NCOA2: variants seen among roughly 807,000 people sequenced by gnomAD.
NCOA2 encodes nuclear receptor coactivator 2.
In NCOA2, 21 loss-of-function variants were observed where a neutral mutation model predicts 145.1. That is an observed-to-expected ratio of 0.14 (90% CI 0.10 to 0.21). The LOEUF is 0.21. Ranked by LOEUF, NCOA2 falls within the 10% of genes least tolerant of loss-of-function variation. The probability of loss-of-function intolerance (pLI) is 1.00; values close to 1 mark genes in which losing one functional copy is unlikely to be tolerated. For synonymous variants in NCOA2, 619 were observed against 637.5 expected (o/e 0.97, Z 0.44); for missense variants, 1,472 against 1,837.6 (o/e 0.80, Z 3.64).
chr8:70,111,022 C>G lies in NCOA2; in HGVS notation c.*2610G>C, dbSNP rs1473863077. Reference sequence around the variant, plus strand: ...ATGAAGGGAACTGATTTGGCTTTTGCTTCTATAGTGATCAATATGATCAGA... The same window carrying G: ...ATGAAGGGAACTGATTTGGCTTTTGGTTCTATAGTGATCAATATGATCAGA... On this transcript the variant is annotated 3_prime_UTR_variant, in exon 23 of 23. Transcript: ENST00000452400. The G allele has an allele frequency of 4.5e-6, 1 of 223,170 alleles. No individual in the cohort carries two copies. The allele number at this position is 223,170 out of a possible 1,614,324, so 13.8% of individuals were successfully genotyped here.
chr8:70,340,490 C>T (rs1365846918), intron 1 of NCOA2, among the ~76,000 whole-genome samples: 3 of 152,120 alleles, frequency 2.0e-5, no homozygotes, highest in African/African-American at 7.2e-5. Flanking sequence ...TTTTACACTA[C>T]CGGTGGGAGT....
chr8:70,138,107 A>T (rs1218656276), intron 15 of NCOA2, 96 bp downstream of exon 15: 1 of 1,338,468 alleles, frequency 7.5e-7, no homozygotes, highest in African/African-American at 1.5e-5. Flanking sequence ...TAGTACCAAT[A>T]AATGAAAACT....
At chr8:70,129,489 C>T (rs1406355095) in intron 16 of NCOA2, among the ~76,000 whole-genome samples, 1 of 152,128 alleles carries the variant, frequency 6.6e-6, no homozygotes, top group South Asian at 2.1e-4. Context: ...TTGCAATAAG[C>T]CCTATTCAGC....
At chr8:70,382,560 T>C (rs1413262353) in intron 1 of NCOA2, among the ~76,000 whole-genome samples, 1 of 152,180 alleles carries the variant, frequency 6.6e-6, no homozygotes, top group Non-Finnish European at 1.5e-5. Context: ...ACAGCAGCTA[T>C]TAGGCATTGT....
At chr8:70,215,731 G>T (rs1819554882) in intron 3 of NCOA2, among the ~76,000 whole-genome samples, 1 of 151,962 alleles carries the variant, frequency 6.6e-6, no homozygotes, top group South Asian at 2.1e-4. Context: ...AAAGTGAAAA[G>T]TCTCTCTTCT....
chr8:70,412,647 CAAAAAAAAA>C, the NCOA2 span, among the ~76,000 whole-genome samples: 7 of 48,288 alleles, frequency 1.4e-4, no homozygotes, highest in Admixed American at 9.1e-4. Flanking sequence ...TACTTCGTCT[CAAAAAAAAA>C]AAAAAAAAAA....
rs139919703 is a variant in NCOA2 at position 70,279,086 on chromosome 8, C to A, written c.-20+17658G>T. Among the ~76,000 whole-genome samples the A allele has an allele frequency of 8.0e-3, 1,213 of 152,222 alleles. 13 individuals carry two copies. Among genetic ancestry groups the A allele is most frequent in the Non-Finnish European group, 0.01 (699 of 68,016 alleles). On this transcript the variant is annotated intron_variant, in intron 2 of 22. Coordinates refer to ENST00000452400, the MANE Select transcript of NCOA2 (RefSeq NM_006540.4). The stretch of plus-strand genomic sequence containing the variant: ...CAAGCAAAAGGCCCTTGGATGATCT[C>A]GCCTTACCAATCTCCATAATCCTGA...
the NCOA2 span, among the ~76,000 whole-genome samples, chr8:70,419,104 A>T: frequency 4.1e-5 from 6 of 144,824 alleles, no homozygotes; most frequent in East Asian, 8.0e-4. Context: ...GGATTTTATA[A>T]AAAAAAAAAA....
chr8:70,370,104 C>T (rs549034540), intron 1 of NCOA2, among the ~76,000 whole-genome samples: 4 of 152,194 alleles, frequency 2.6e-5, no homozygotes, highest in Admixed American at 6.5e-5. Flanking sequence ...CAGCTGGTCT[C>T]AAACTCCTGG....
chr8:70,409,505 A>G, the NCOA2 span, among the ~76,000 whole-genome samples: 4 of 152,234 alleles, frequency 2.6e-5, no homozygotes, highest in African/African-American at 9.7e-5. Flanking sequence ...AGTTTGGAGA[A>G]AATAGTGACT....
intron 4 of NCOA2, among the ~76,000 whole-genome samples, chr8:70,207,889 A>AGAG (rs1342155581): frequency 3.2e-4 from 48 of 149,628 alleles, no homozygotes; most frequent in Middle Eastern, 3.4e-3. Context: ...AAAAAAAAGA[A>AGAG]GAAGAAGAAG....
intron 4 of NCOA2, among the ~76,000 whole-genome samples, chr8:70,207,853 A>C (rs1818605823): frequency 8.0e-6 from 1 of 124,394 alleles, no homozygotes; most frequent in South Asian, 2.6e-4. Context: ...ACAGAGCCTG[A>C]CTCCACCTCA....
the NCOA2 span, among the ~76,000 whole-genome samples, chr8:70,440,447 A>G: frequency 1 from 152,236 of 152,240 alleles, 76,116 homozygotes; most frequent in Middle Eastern, 1. Flanking sequence ...GGCGGCACAC[A>G]CCTGTAGTCC....
chr8:70,263,627 G>A (rs1217932670), intron 2 of NCOA2, among the ~76,000 whole-genome samples: 4 of 151,992 alleles, frequency 2.6e-5, no homozygotes, highest in Non-Finnish European at 5.9e-5. Context: ...TCACCGGGAA[G>A]CTGAGGCAGG....
chr8:70,333,021 T>C (rs1446399471), intron 1 of NCOA2, among the ~76,000 whole-genome samples: 1 of 152,216 alleles, frequency 6.6e-6, no homozygotes, highest in African/African-American at 2.4e-5. Flanking sequence ...GATTTCTCAG[T>C]TTCTGAGATA....
At chr8:70,388,300 T>C (rs1255782744) in intron 1 of NCOA2, among the ~76,000 whole-genome samples, 1 of 152,210 alleles carries the variant, frequency 6.6e-6, no homozygotes, top group African/African-American at 2.4e-5. Flanking sequence ...AAGGTATATG[T>C]AAAATGAGGA....
chr8:70,287,118 C>A (rs953346314), intron 2 of NCOA2, among the ~76,000 whole-genome samples: 1 of 152,044 alleles, frequency 6.6e-6, no homozygotes, highest in Non-Finnish European at 1.5e-5. Flanking sequence ...GTGGTATACA[C>A]CTGTAATCTC....
intron 15 of NCOA2, among the ~76,000 whole-genome samples, chr8:70,136,279 T>G (rs1010823014): frequency 6.6e-6 from 1 of 152,008 alleles, no homozygotes. Flanking sequence ...GGAGAATCAC[T>G]TGAACCCAGG....
At chr8:70,261,269 G>A (rs1824098836) in intron 2 of NCOA2, among the ~76,000 whole-genome samples, 1 of 152,194 alleles carries the variant, frequency 6.6e-6, no homozygotes, top group Non-Finnish European at 1.5e-5. Flanking sequence ...ATACTATGCA[G>A]CCATAAAAAT....
Sources: gnomAD v4.1 joint callset for allele counts (sites outside exome capture counted in the v4.1 genomes callset) on GRCh38, gnomAD v4.1.1 for gene constraint, MANE v1.5 for transcripts, NCBI Gene and HGNC (gene_info 2026-07-23, HGNC 2026-07-21) for gene names.